Variants in LUZP2 observed in about 807,000 individuals in gnomAD.
LUZP2 encodes the protein leucine zipper protein 2.
In LUZP2, 52 loss-of-function variants were observed where a neutral mutation model predicts 51.6. The observed-to-expected ratio is 1.01, with a 90% CI of 0.81 to 1.27. The LOEUF (loss-of-function observed/expected upper bound fraction) is 1.27. Ranked by LOEUF, LUZP2 falls within the 50% of genes most tolerant of loss-of-function variation. The probability of loss-of-function intolerance (pLI) is 0.00; values close to 1 mark genes in which losing one functional copy is unlikely to be tolerated. For synonymous variants in LUZP2, 154 were observed against 137.3 expected, an observed-to-expected ratio of 1.12 and a Z score of -0.85; for missense variants, 436 against 395.4, an observed-to-expected ratio of 1.10 and a Z score of -0.87.
At chr11:24,851,594 C>G (rs61894123) in intron 5 of LUZP2, among the ~76,000 whole-genome samples, 30,467 of 151,872 alleles carry the variant, frequency 0.2, 3,163 homozygotes, top group African/African-American at 0.25. Flanking sequence ...TGTTGTAACT[C>G]TGATAGGTTT....
intron 5 of LUZP2, among the ~76,000 whole-genome samples, chr11:24,874,777 G>T (rs1257243972): frequency 6.6e-6 from 1 of 151,992 alleles, no homozygotes; most frequent in African/African-American, 2.4e-5. Flanking sequence ...GCTAATTAAC[G>T]TTATTACTGA....
intron 1 of LUZP2, among the ~76,000 whole-genome samples, chr11:24,597,864 G>T (rs1853493808): frequency 6.6e-6 from 1 of 152,018 alleles, no homozygotes; most frequent in Non-Finnish European, 1.5e-5. Context: ...CATTTTTGGA[G>T]GCCAAGGCGG....
At chr11:24,684,927 C>T (rs1317268340) in intron 1 of LUZP2, among the ~76,000 whole-genome samples, 1 of 152,104 alleles carries the variant, frequency 6.6e-6, no homozygotes, top group African/African-American at 2.4e-5. Context: ...ATTTCGGTAG[C>T]TGGGAGTGTT....
chr11:24,640,567 ATACTT>A lies in LUZP2; in HGVS notation c.63-88599_63-88595del, dbSNP rs1186351639. Among the ~76,000 whole-genome samples the A allele has an allele frequency of 2.6e-5, 4 of 151,902 alleles. No individual in the cohort carries two copies. The East Asian group carries it at 7.7e-4, about 29-fold the overall frequency. ...ACATGGCATGTATACAAAAGATAAA[ATACTT>A]TATTTATTTAGATAAATGTTTGGCA... On this transcript the variant is annotated intron_variant, in intron 1 of 11. Transcript: ENST00000336930.
chr11:24,991,540 A>G (rs1161685013), intron 9 of LUZP2, among the ~76,000 whole-genome samples: 1 of 151,588 alleles, frequency 6.6e-6, no homozygotes, highest in African/African-American at 2.4e-5. Context: ...TGCGTGTGTA[A>G]CTATCTTTTT....
chr11:25,077,305 T>C, intron 10 of LUZP2, 24 bp from the exon 11 acceptor site: 2 of 1,564,620 alleles, frequency 1.3e-6, no homozygotes, highest in Non-Finnish European at 1.8e-6. Flanking sequence ...TTCATTGATG[T>C]ATTTTTAATT....
intron 5 of LUZP2, among the ~76,000 whole-genome samples, chr11:24,788,693 T>A (rs1291182864): frequency 1.3e-5 from 2 of 152,154 alleles, no homozygotes; most frequent in Non-Finnish European, 2.9e-5. Flanking sequence ...GCTTCCTTGA[T>A]TATGGAGGCT....
At chr11:25,025,112 G>C (rs1300358364) in intron 9 of LUZP2, among the ~76,000 whole-genome samples, 1 of 152,110 alleles carries the variant, frequency 6.6e-6, no homozygotes, top group African/African-American at 2.4e-5. Context: ...GGTGAAATTG[G>C]ATCCCTTCCT....
At chr11:25,039,117 T>A (rs142599261) in intron 9 of LUZP2, among the ~76,000 whole-genome samples, 112 of 152,306 alleles carry the variant, frequency 7.4e-4, no homozygotes, top group African/African-American at 2.6e-3. Flanking sequence ...CTCTGGTCAC[T>A]GGAAATGTAC....
chr11:24,555,298 T>C (rs902890145), intron 1 of LUZP2, among the ~76,000 whole-genome samples: 57 of 152,126 alleles, frequency 3.7e-4, no homozygotes, highest in Non-Finnish European at 6.9e-4. Flanking sequence ...CTCAGAGCTT[T>C]TGTATGAAAA....
Position 25,031,013 on chromosome 11 carries a change from A to AT in LUZP2, c.766-19024dup, listed in dbSNP as rs1293554353. Among the ~76,000 whole-genome samples the AT allele has an allele frequency of 9.5e-3, 41 of 4,312 alleles. 5 individuals are homozygous for AT. Among genetic ancestry groups the AT allele is most frequent in the Admixed American group, 0.079 (20 of 254 alleles). The allele number at this position is 4,312 out of a possible 152,430, so 2.8% of individuals were successfully genotyped here. A position where few individuals can be genotyped will look rare whatever the true frequency, so the allele number is the denominator to read the frequency against. On this transcript the variant is annotated intron_variant, in intron 9 of 11. Coordinates refer to ENST00000336930, the MANE Select transcript of LUZP2 (RefSeq NM_001009909.4). ...ATATATATTATATATATATATATAT[A>AT]TATTTTTTTTTTTTTTTGAGACAGA... is the stretch of plus-strand genomic sequence containing the variant.
chr11:24,903,747 A>G (rs1325242884), intron 5 of LUZP2, among the ~76,000 whole-genome samples: 2 of 152,254 alleles, frequency 1.3e-5, no homozygotes, highest in East Asian at 3.8e-4. Context: ...TAAAAGACAG[A>G]AAAGCCTGAG....
intron 5 of LUZP2, among the ~76,000 whole-genome samples, chr11:24,833,037 A>G (rs1398409939): frequency 6.6e-6 from 1 of 152,180 alleles, no homozygotes; most frequent in Non-Finnish European, 1.5e-5. Context: ...AAAATGATGT[A>G]AAATTAAGCA....
intron 4 of LUZP2, among the ~76,000 whole-genome samples, chr11:24,742,002 T>A: frequency 7.5e-6 from 1 of 133,882 alleles, no homozygotes; most frequent in South Asian, 2.2e-4. Flanking sequence ...AATGTATATA[T>A]TATATATAAA....
intron 1 of LUZP2, among the ~76,000 whole-genome samples, chr11:24,725,230 C>A (rs1858430237): frequency 6.6e-6 from 1 of 151,972 alleles, no homozygotes; most frequent in African/African-American, 2.4e-5. Flanking sequence ...ATAATTAAAT[C>A]ATGACATGTC....
rs1491549909 is a variant in LUZP2 at position 25,040,342 on chromosome 11, G to GTTTTTTT, written c.766-9696_766-9695insTTTTTTT. On this transcript the variant is annotated intron_variant, in intron 9 of 11. Transcript: ENST00000336930. ...TAGAGAGCCACTTTTCTTTCTTTCCGATTTTTTTTTTTTTTTTTTTTGCCA... is the reference window on the plus strand; with the variant it reads ...TAGAGAGCCACTTTTCTTTCTTTCCGTTTTTTTATTTTTTTTTTTTTTTTTTTTGCCA... Among the ~76,000 whole-genome samples, 4 of 34,028 alleles carry GTTTTTTT rather than the reference G, an allele frequency of 1.2e-4. No homozygotes were observed. In the African/African-American group the frequency reaches 1.4e-3, roughly 12 times the overall value. The allele number at this position is 34,028 out of a possible 152,430, so 22.3% of individuals were successfully genotyped here.
intron 4 of LUZP2, among the ~76,000 whole-genome samples, chr11:24,752,400 G>A (rs1859625441): frequency 1.3e-5 from 2 of 152,142 alleles, no homozygotes; most frequent in Admixed American, 1.3e-4. Flanking sequence ...CGTAAAGCAT[G>A]GAAGTGTTGC....
At chr11:24,822,439 G>T (rs934541676) in intron 5 of LUZP2, among the ~76,000 whole-genome samples, 2 of 152,100 alleles carry the variant, frequency 1.3e-5, no homozygotes, top group Non-Finnish European at 2.9e-5. Context: ...GTGGGTGTGG[G>T]TGTGTGTTCA....
intron 5 of LUZP2, among the ~76,000 whole-genome samples, chr11:24,830,561 A>G (rs544611017): frequency 6.2e-4 from 94 of 152,346 alleles, no homozygotes; most frequent in African/African-American, 2.1e-3. Flanking sequence ...AGCCTATTAA[A>G]TGTCAGATAT....
Sources: gnomAD v4.1 joint callset for allele counts (sites outside exome capture counted in the v4.1 genomes callset) on GRCh38, gnomAD v4.1.1 for gene constraint, MANE v1.5 for transcripts, NCBI Gene and HGNC (gene_info 2026-07-23, HGNC 2026-07-21) for gene names.